ZDHHC11B: variants seen among roughly 807,000 people sequenced by gnomAD.
ZDHHC11B encodes the protein probable palmitoyltransferase ZDHHC11B.
ZDHHC11B carries 17 observed loss-of-function variants against 42.3 expected under a neutral mutation model. The ratio of observed to expected loss-of-function variants is 0.40; its 90% CI spans 0.27 to 0.60. The LOEUF (loss-of-function observed/expected upper bound fraction) is 0.60, where lower values mean the gene tolerates loss of function less well. ZDHHC11B is among the 20% of genes least tolerant of loss of function. The pLI, the probability that ZDHHC11B is intolerant of heterozygous loss-of-function variation, is 0.41. For synonymous variants in ZDHHC11B, 123 were observed against 193.5 expected, an observed-to-expected ratio of 0.64 and a Z score of 3.02; for missense variants, 262 against 463.2, an observed-to-expected ratio of 0.57 and a Z score of 3.99.
At chr5:783,519 T>G in intron 1 of ZDHHC11B, among the ~76,000 whole-genome samples, 1 of 152,240 alleles carries the variant, frequency 6.6e-6, no homozygotes. Flanking sequence ...GGCCCAGTCC[T>G]CTATCGGTCC....
At position 733,734 on chromosome 5, in the gene ZDHHC11B, C is replaced by G. The variant is rs569990285; in HGVS notation, c.1023+18G>C. ...ACGGCCCTGTCCTCAGGGTGCATTGCTGGTGACTGCAACTTACCTGTGCCT... is the reference window on the plus strand; with the variant it reads ...ACGGCCCTGTCCTCAGGGTGCATTGGTGGTGACTGCAACTTACCTGTGCCT... On this transcript the variant is annotated intron_variant, in intron 11 of 13. Transcript: ENST00000508859. The G allele has an allele frequency of 2.5e-6, 4 of 1,605,198 alleles. No individual in the cohort carries two copies. The highest frequency in any genetic ancestry group is 4.5e-5 in the East Asian group (2 of 44,754).
Position 748,021 on chromosome 5 carries a change from T to C in ZDHHC11B, c.784+383A>G. 9.3e-6 allele frequency: 4 copies of C among 427,810 alleles called. 1 individual carries two copies. The highest frequency in any genetic ancestry group is 1.6e-5 in the Non-Finnish European group (4 of 248,918). The allele number at this position is 427,810 out of a possible 1,614,324, so 26.5% of individuals were successfully genotyped here. A position where few individuals can be genotyped will look rare whatever the true frequency, so the allele number is the denominator to read the frequency against. ...TATTTTTCATTGTTAGAATTTCTAC[T>C]TGTGCTTTTGGAAGTCCACCTGTCC... On this transcript the variant is annotated intron_variant, in intron 8 of 13. Transcript: ENST00000508859.
chr5:774,024 C>T (rs1433510000), intron 1 of ZDHHC11B, among the ~76,000 whole-genome samples: 1 of 151,912 alleles, frequency 6.6e-6, no homozygotes, highest in African/African-American at 2.4e-5. Context: ...CTGTCCGAAG[C>T]ATCCTCGCTG....
intron 4 of ZDHHC11B, among the ~76,000 whole-genome samples, chr5:763,062 C>T (rs1401798720): frequency 6.6e-6 from 1 of 151,790 alleles, no homozygotes; most frequent in Non-Finnish European, 1.5e-5. Flanking sequence ...TGAAATACTC[C>T]AATTTCCTGA....
intron 4 of ZDHHC11B, among the ~76,000 whole-genome samples, chr5:766,152 G>T (rs1269341410): frequency 1.3e-5 from 2 of 151,838 alleles, no homozygotes; most frequent in African/African-American, 4.8e-5. Context: ...GATGCGAGCA[G>T]ACACAGGCTC....
At chr5:721,908 A>G (rs1230296171) in intron 12 of ZDHHC11B, among the ~76,000 whole-genome samples, 1 of 151,734 alleles carries the variant, frequency 6.6e-6, no homozygotes, top group Admixed American at 6.6e-5. Context: ...ACAGCCCAGA[A>G]ATAGACTCAA....
chr5:778,932 C>T (rs1266550549), intron 1 of ZDHHC11B, among the ~76,000 whole-genome samples: 7 of 151,892 alleles, frequency 4.6e-5, no homozygotes, highest in South Asian at 2.1e-4. Flanking sequence ...TGGGAATGAC[C>T]GAGTGCCTTA....
intron 4 of ZDHHC11B, among the ~76,000 whole-genome samples, chr5:759,553 TCCATTCCAC>T (rs1274747099): frequency 6.6e-6 from 1 of 151,902 alleles, no homozygotes; most frequent in African/African-American, 2.4e-5. Context: ...CAGATTCCAA[TCCATTCCAC>T]ACAACAGGCC....
chr5:754,538 T>C (rs1278376749), intron 6 of ZDHHC11B, among the ~76,000 whole-genome samples: 27 of 119,776 alleles, frequency 2.3e-4, no homozygotes, highest in Admixed American at 3.8e-4. Flanking sequence ...ACACCTCTCG[T>C]CTATGAGCCT....
intron 12 of ZDHHC11B, among the ~76,000 whole-genome samples, chr5:730,058 G>A (rs2126999496): frequency 6.6e-6 from 1 of 151,570 alleles, no homozygotes; most frequent in South Asian, 2.1e-4. Flanking sequence ...GCAGTGTTGG[G>A]GCAGAGCTGT....
intron 4 of ZDHHC11B, among the ~76,000 whole-genome samples, chr5:765,892 C>G (rs1342484372): frequency 2.0e-5 from 3 of 151,964 alleles, no homozygotes; most frequent in African/African-American, 7.3e-5. Context: ...CAAGAACCCA[C>G]CAGTTCCGGA....
At chr5:730,511 C>T (rs753990575) in intron 11 of ZDHHC11B, 43 bp from the exon 12 acceptor site, 26 of 1,534,426 alleles carry the variant, frequency 1.7e-5, no homozygotes, top group Non-Finnish European at 2.2e-5. Context: ...TGAACAAAGA[C>T]CTTGTTGACA....
intron 4 of ZDHHC11B, among the ~76,000 whole-genome samples, chr5:761,396 C>G (rs1278127062): frequency 6.6e-6 from 1 of 151,852 alleles, no homozygotes; most frequent in African/African-American, 2.4e-5. Flanking sequence ...GGGAGGCCAT[C>G]TAGGACCCAG....
chr5:774,095 G>A (rs1736271329), intron 1 of ZDHHC11B, among the ~76,000 whole-genome samples: 1 of 151,876 alleles, frequency 6.6e-6, no homozygotes, highest in South Asian at 2.1e-4. Flanking sequence ...CCTAGGCGGG[G>A]CTTCGTCCCA....
At chr5:719,463 G>A (rs1198016829) in intron 12 of ZDHHC11B, among the ~76,000 whole-genome samples, 15 of 151,550 alleles carry the variant, frequency 9.9e-5, no homozygotes, top group African/African-American at 3.6e-4. Context: ...TAGATTAGTA[G>A]TAGAGATAGA....
intron 4 of ZDHHC11B, 138 bp from the exon 5 acceptor site, chr5:756,282 A>C: frequency 7.3e-7 from 1 of 1,360,710 alleles, no homozygotes; most frequent in Non-Finnish European, 1.0e-6. Context: ...AGCCCAGCTC[A>C]CCCAGGCCTG....
intron 12 of ZDHHC11B, among the ~76,000 whole-genome samples, chr5:720,774 G>T (rs546009258): frequency 1.4e-4 from 21 of 151,664 alleles, no homozygotes; most frequent in Middle Eastern, 3.4e-3. Flanking sequence ...AATATAAAGG[G>T]TGAGGGATGG....
At chr5:716,323 CT>C (rs1401544342) in intron 13 of ZDHHC11B, among the ~76,000 whole-genome samples, 1 of 150,838 alleles carries the variant, frequency 6.6e-6, no homozygotes, top group East Asian at 1.9e-4. Context: ...AACTTTCCCC[CT>C]GATTCTGAAA....
At chr5:716,642 A>G (rs1439272511) in intron 13 of ZDHHC11B, among the ~76,000 whole-genome samples, 159 bp downstream of exon 13, 2 of 151,770 alleles carry the variant, frequency 1.3e-5, no homozygotes, top group East Asian at 3.9e-4. Context: ...AGATGGACAC[A>G]CGGTTCCTGT....
Sources: gnomAD v4.1 joint callset for allele counts (sites outside exome capture counted in the v4.1 genomes callset) on GRCh38, gnomAD v4.1.1 for gene constraint, MANE v1.5 for transcripts, NCBI Gene and HGNC (gene_info 2026-07-23, HGNC 2026-07-21) for gene names.